Variants in DCLK3 observed in about 807,000 individuals in gnomAD.
DCLK3 encodes serine/threonine-protein kinase DCLK3.
Under a neutral mutation model 46.4 loss-of-function variants are expected in DCLK3, and 30 were observed. The ratio of observed to expected loss-of-function variants is 0.65; its 90% confidence interval spans 0.48 to 0.88. The LOEUF (loss-of-function observed/expected upper bound fraction) is 0.88, where lower values mean the gene tolerates loss of function less well. Among genes scored for constraint, DCLK3 ranks in the 40% least tolerant of loss-of-function variants. The pLI is 0.00. For synonymous variants in DCLK3, 401 were observed against 339.2 expected (o/e 1.18, Z -2.00); for missense variants, 846 against 907.1 (o/e 0.93, Z 0.87).
chr3:36,747,814 C>T (rs564444994), intron 1 of DCLK3, among the ~76,000 whole-genome samples: 49 of 152,328 alleles, frequency 3.2e-4, no homozygotes, highest in Non-Finnish European at 6.6e-4. Flanking sequence ...GGACCAGCAG[C>T]ATCAGTATCA....
At chr3:36,742,148 G>A (rs1701349675) in intron 1 of DCLK3, among the ~76,000 whole-genome samples, 1 of 152,208 alleles carries the variant, frequency 6.6e-6, no homozygotes. Context: ...TATGTATTGA[G>A]TGTTGACATA....
intron 1 of DCLK3, among the ~76,000 whole-genome samples, chr3:36,763,772 A>G (rs1459401320): frequency 6.6e-6 from 1 of 152,174 alleles, no homozygotes; most frequent in Non-Finnish European, 1.5e-5. Flanking sequence ...GCTTAACTCT[A>G]GGTGAAGCGC....
At chr3:36,716,368 C>T (rs1049533369) in intron 4 of DCLK3, among the ~76,000 whole-genome samples, 2 of 152,232 alleles carry the variant, frequency 1.3e-5, no homozygotes, top group Non-Finnish European at 2.9e-5. Context: ...TCCCCTCCCC[C>T]GATGTCCAGC....
intron 2 of DCLK3, among the ~76,000 whole-genome samples, chr3:36,725,504 C>A (rs1320981885): frequency 3.9e-5 from 6 of 152,068 alleles, no homozygotes; most frequent in African/African-American, 1.4e-4. Context: ...GTGGTCCCAG[C>A]TACTTGGGAG....
Position 36,713,945 on chromosome 3 carries a change from T to C in DCLK3, c.*1383A>G, listed in dbSNP as rs1039670163. On this transcript the variant is annotated 3_prime_UTR_variant, in exon 5 of 5. Transcript: ENST00000636136. ...GTGGAGGGTAATTCCTGTAGAGGGC[T>C]GAAAGCTGAGAGCCATCATCCAGCA... 1 of 152,396 alleles carries C rather than the reference T, an allele frequency of 6.6e-6. No homozygotes were observed. Among genetic ancestry groups the C allele is most frequent in the Admixed American group, 6.5e-5 (1 of 15,282 alleles). 9.4% of individuals were successfully genotyped at this position (152,396 alleles called of 1,614,324 possible). A position where few individuals can be genotyped will look rare whatever the true frequency, so the allele number is the denominator to read the frequency against.
At chr3:36,728,903 C>A (rs1387147091) in intron 2 of DCLK3, among the ~76,000 whole-genome samples, 1 of 152,178 alleles carries the variant, frequency 6.6e-6, no homozygotes, top group Non-Finnish European at 1.5e-5. Flanking sequence ...CCAAGTGCAG[C>A]CCCTGGACCC....
Position 36,737,552 on chromosome 3 carries a change from C to T in DCLK3, c.1615G>A (p.Val539Met), listed in dbSNP as rs748276161. 7 of 1,614,140 alleles carry T rather than the reference C, an allele frequency of 4.3e-6. No individual in the cohort carries two copies. The highest frequency in any genetic ancestry group is 4.2e-6 in the Non-Finnish European group (5 of 1,180,020). ...GTCTCGCGGTGTCTGCACTCCTTCA[C>T]GACAGCAAAGTTCCCATCCCCAATG... ...RVIGDGNFAVVKECRHRETRQ... is the reference protein window; with the variant it reads ...RVIGDGNFAVMKECRHRETRQ... Residue 539 changes from valine to methionine, a missense_variant, in exon 2 of 5, where the codon GTG (valine) becomes ATG (methionine). This residue lies in a region of DCLK3 where 247 missense variants were observed against 322.8 expected (regional missense o/e 0.77). Coordinates refer to ENST00000636136, the MANE Select transcript of DCLK3 (RefSeq NM_001394672.2). The surrounding 1 kb of genome is among the most constrained non-coding windows in gnomAD (Gnocchi z 4.4).
At chr3:36,750,903 C>T (rs573029173) in intron 1 of DCLK3, among the ~76,000 whole-genome samples, 17 of 152,112 alleles carry the variant, frequency 1.1e-4, no homozygotes, top group African/African-American at 4.1e-4. Flanking sequence ...TCAGAGGCGT[C>T]AACAGGCACC....
rs1200890398 is a variant in DCLK3 at position 36,737,802 on chromosome 3, C to T, written c.1365G>A (p.Lys455=). 1 of 1,614,006 alleles carries T rather than the reference C, an allele frequency of 6.2e-7. No homozygotes were observed. Among genetic ancestry groups the T allele is most frequent in the African/African-American group, 1.3e-5 (1 of 74,918 alleles). The change falls in exon 2 of 5, where the codon AAG becomes AAA. Residue 455 remains lysine, a synonymous_variant. Coordinates refer to ENST00000636136, the MANE Select transcript of DCLK3 (RefSeq NM_001394672.2). The surrounding 1 kb of genome is among the most constrained non-coding windows in gnomAD (Gnocchi z 4.4). ...LLREHQAGFE[K]LRRTRGEEKE... is the part of the protein sequence containing the mutation. ...TCTCTTCTCCTCGGGTCCTGCGGAGCTTCTCAAAGCCCGCCTGGTGCTCTC... is the reference window on the plus strand; with the variant it reads ...TCTCTTCTCCTCGGGTCCTGCGGAGTTTCTCAAAGCCCGCCTGGTGCTCTC...
At chr3:36,720,919 G>A (rs943365893) in intron 3 of DCLK3, among the ~76,000 whole-genome samples, 1 of 152,156 alleles carries the variant, frequency 6.6e-6, no homozygotes, top group African/African-American at 2.4e-5. Flanking sequence ...CTTACCAATG[G>A]TGGGTAAATT....
intron 1 of DCLK3, among the ~76,000 whole-genome samples, chr3:36,749,814 C>T (rs1046390179): frequency 3.3e-5 from 5 of 152,074 alleles, no homozygotes; most frequent in Non-Finnish European, 5.9e-5. Context: ...AAATGGCAAG[C>T]CAGTAAAATA....
intron 4 of DCLK3, among the ~76,000 whole-genome samples, chr3:36,716,090 A>G (rs1700976643): frequency 6.6e-6 from 1 of 152,262 alleles, no homozygotes; most frequent in Admixed American, 6.5e-5. Context: ...TAAATAGTGC[A>G]AATTCAAAAA....
At chr3:36,750,696 C>T (rs775580588) in intron 1 of DCLK3, among the ~76,000 whole-genome samples, 1 of 152,152 alleles carries the variant, frequency 6.6e-6, no homozygotes, top group Admixed American at 6.5e-5. Context: ...GCCCAGTTTC[C>T]GCAACTGTAA....
Position 36,764,102 on chromosome 3 carries a change from A to T in DCLK3, c.82+80T>A. On this transcript the variant is annotated intron_variant, in intron 1 of 4. Transcript: ENST00000636136. This position sits in a 1 kb window ranked among gnomAD's most constrained non-coding sequence, Gnocchi z 4.9. ...CTACATCCCGCACGGAGCGGGGTCCAGAGTTAGGGCGAATGAGTCCTCCCG... is the reference window on the plus strand; with the variant it reads ...CTACATCCCGCACGGAGCGGGGTCCTGAGTTAGGGCGAATGAGTCCTCCCG... 1 of 280,866 alleles carries T rather than the reference A, an allele frequency of 3.6e-6. No individual in the cohort carries two copies. The highest frequency in any genetic ancestry group is 5.5e-5 in the East Asian group (1 of 18,132). The allele number at this position is 280,866 out of a possible 1,614,324, so 17.4% of individuals were successfully genotyped here. A position where few individuals can be genotyped will look rare whatever the true frequency, so the allele number is the denominator to read the frequency against.
intron 2 of DCLK3, 80 bp from the exon 3 acceptor site, chr3:36,721,739 A>G: frequency 1.3e-6 from 2 of 1,574,018 alleles, no homozygotes; most frequent in South Asian, 1.1e-5. Context: ...ACAGCCATGC[A>G]AGGTCAAGAA....
In DCLK3 at chr3:36,737,202, G is replaced by A. The variant is rs975303042; in HGVS notation, c.1959+6C>T. On this transcript the variant is annotated splice_donor_region_variant and intron_variant, in intron 2 of 4. Transcript: ENST00000636136. The surrounding 1 kb of genome is among the most constrained non-coding windows in gnomAD (Gnocchi z 4.4). ...CTCTCCCATATCATCAAAAGTCAAGGCTTACCAAAAGGTTTTCCGGCTTGA... is the reference window on the plus strand; with the variant it reads ...CTCTCCCATATCATCAAAAGTCAAGACTTACCAAAAGGTTTTCCGGCTTGA... 1.2e-6 allele frequency: 2 copies of A among 1,610,694 alleles called. No individual in the cohort carries two copies. The highest frequency in any genetic ancestry group is 1.7e-6 in the Non-Finnish European group (2 of 1,177,586).
Position 36,737,634 on chromosome 3 carries a change from T to TGGCTTCCGACCGCTGGGCCGC in DCLK3, c.1512_1532dup (p.Ser507_Pro513dup). The TGGCTTCCGACCGCTGGGCCGC allele has an allele frequency of 6.2e-7, 1 of 1,614,140 alleles. No homozygotes were observed. Among genetic ancestry groups the TGGCTTCCGACCGCTGGGCCGC allele is most frequent in the African/African-American group, 1.3e-5 (1 of 75,072 alleles). Reference sequence around the variant, plus strand: ...TGGCGGCAATGATGCCCATGGGCCGTGGCTTCCGACCGCTGGGCCGCTCTG... The same window carrying TGGCTTCCGACCGCTGGGCCGC: ...TGGCGGCAATGATGCCCATGGGCCGTGGCTTCCGACCGCTGGGCCGCGGCTTCCGACCGCTGGGCCGCTCTG... On this transcript the variant is annotated inframe_insertion, in exon 2 of 5. Transcript: ENST00000636136. This position sits in a 1 kb window ranked among gnomAD's most constrained non-coding sequence, Gnocchi z 4.4.
At chr3:36,717,310 G>A (rs1357668211) in intron 4 of DCLK3, among the ~76,000 whole-genome samples, 1 of 152,080 alleles carries the variant, frequency 6.6e-6, no homozygotes, top group Non-Finnish European at 1.5e-5. Context: ...CAGTTGCCCA[G>A]GCTGGTCTCA....
intron 1 of DCLK3, among the ~76,000 whole-genome samples, chr3:36,741,246 G>A (rs1015243307): frequency 6.6e-6 from 1 of 152,156 alleles, no homozygotes; most frequent in African/African-American, 2.4e-5. Flanking sequence ...ACTGTCAAAC[G>A]CATGTGCACA....
Sources: gnomAD v4.1 joint callset for allele counts (sites outside exome capture counted in the v4.1 genomes callset) on GRCh38, gnomAD v4.1.1 for gene constraint, gnomAD v4.1.1 regional missense constraint, Gnocchi (gnomAD v3.1) non-coding constraint, MANE v1.5 for transcripts, NCBI Gene and HGNC (gene_info 2026-07-23, HGNC 2026-07-21) for gene names.